The following SMAD2 variants were observed in gnomAD, a reference collection of about 807,000 sequenced individuals.
SMAD2 encodes the protein MAD homolog 2.
In SMAD2, 8 loss-of-function variants were observed where a neutral mutation model predicts 64.4. The ratio of observed to expected loss-of-function variants is 0.12; its 90% CI spans 0.07 to 0.22. The LOEUF is 0.22. SMAD2 is among the 10% of genes least tolerant of loss of function. The pLI, the probability that SMAD2 is intolerant of heterozygous loss-of-function variation, is 1.00. For synonymous variants in SMAD2, 203 were observed against 195.8 expected (o/e 1.04, Z -0.31); for missense variants, 289 against 561.2 (o/e 0.51, Z 4.90).
intron 2 of SMAD2, among the ~76,000 whole-genome samples, chr18:47,879,948 C>T (rs747140808): frequency 2.0e-4 from 30 of 152,320 alleles, no homozygotes; most frequent in South Asian, 6.2e-4. Context: ...CGATATTACA[C>T]ATTTTTCCAT....
At chr18:47,903,228 A>G (rs1298927566) in intron 1 of SMAD2, among the ~76,000 whole-genome samples, 2 of 152,166 alleles carry the variant, frequency 1.3e-5, no homozygotes, top group Non-Finnish European at 2.9e-5. Flanking sequence ...CCAGATACTC[A>G]GGACATTGAT....
chr18:47,916,580 T>C (rs2034345525), intron 1 of SMAD2, among the ~76,000 whole-genome samples: 1 of 152,024 alleles, frequency 6.6e-6, no homozygotes, highest in African/African-American at 2.4e-5. Flanking sequence ...AATTTTTGTA[T>C]TTTTGATAGA....
intron 8 of SMAD2, among the ~76,000 whole-genome samples, chr18:47,848,038 C>G (rs1446603045): frequency 1.3e-5 from 2 of 151,672 alleles, no homozygotes; most frequent in Admixed American, 1.3e-4. Context: ...TTCAGATGAA[C>G]AGCAAGCAGA....
intron 3 of SMAD2, 40 bp downstream of exon 3, chr18:47,870,435 C>T (rs1174863845): frequency 6.9e-7 from 1 of 1,458,240 alleles, no homozygotes; most frequent in African/African-American, 1.4e-5. Context: ...ACCCCCCTCC[C>T]ACAAGATCTC....
chr18:47,859,100 T>C (rs2030959001), intron 6 of SMAD2, among the ~76,000 whole-genome samples: 1 of 152,148 alleles, frequency 6.6e-6, no homozygotes. Context: ...GTGATGTTAA[T>C]ATGAAATGCA....
In SMAD2 at chr18:47,836,434, A is replaced by T. The variant is rs1046613586; in HGVS notation, c.*5393T>A. On this transcript the variant is annotated 3_prime_UTR_variant, in exon 11 of 11. Coordinates refer to ENST00000262160, the MANE Select transcript of SMAD2 (RefSeq NM_005901.6). ...CCAAGTTGCCAAAAAATGGTATATT[A>T]AATGAACTGCCAAATGGCAGATTAA... The T allele has an allele frequency of 4.5e-6, 1 of 220,934 alleles. No homozygotes were observed. Among genetic ancestry groups the T allele is most frequent in the Non-Finnish European group, 9.1e-6 (1 of 110,410 alleles). The allele number at this position is 220,934 out of a possible 1,614,324, so 13.7% of individuals were successfully genotyped here.
intron 1 of SMAD2, chr18:47,912,369 C>A (rs2034171221): frequency 1.3e-5 from 2 of 152,218 alleles, no homozygotes; most frequent in Non-Finnish European, 2.9e-5. Flanking sequence ...ATGTGACCGA[C>A]TACCTAATGT....
intron 8 of SMAD2, among the ~76,000 whole-genome samples, chr18:47,847,393 C>T (rs1472014501): frequency 6.6e-6 from 1 of 151,888 alleles, no homozygotes; most frequent in Non-Finnish European, 1.5e-5. Context: ...CAGAAGCAAA[C>T]TACTGTTAAA....
At chr18:47,891,071 G>A (rs1244215653) in intron 2 of SMAD2, among the ~76,000 whole-genome samples, 1 of 152,168 alleles carries the variant, frequency 6.6e-6, no homozygotes, top group Non-Finnish European at 1.5e-5. Flanking sequence ...TTGGGAGGCC[G>A]AGGCGGGCGG....
chr18:47,874,603 C>G (rs1455884295), intron 2 of SMAD2, among the ~76,000 whole-genome samples: 13 of 151,972 alleles, frequency 8.6e-5, no homozygotes, highest in Admixed American at 7.9e-4. Flanking sequence ...AAAGTCCCAA[C>G]AAAAAATTCA....
chr18:47,856,465 C>T (rs948269211), intron 6 of SMAD2, among the ~76,000 whole-genome samples: 1 of 152,116 alleles, frequency 6.6e-6, no homozygotes, highest in African/African-American at 2.4e-5. Flanking sequence ...AAAATGTATG[C>T]TTTAAAAAGT....
chr18:47,879,434 T>C (rs539026422), intron 2 of SMAD2, among the ~76,000 whole-genome samples: 3 of 152,146 alleles, frequency 2.0e-5, no homozygotes, highest in Admixed American at 6.6e-5. Context: ...ATGGTACATA[T>C]TCTTTTGGGT....
rs1418476851 is a variant in SMAD2 at position 47,813,236 on chromosome 18, A to C, written c.*28591T>G. ...AAAAATAACTAAATAACTAAATAAA[A>C]TAAACTGGGTCCTTATTTTTAGAAA... is the stretch of plus-strand genomic sequence containing the variant. On this transcript the variant is annotated 3_prime_UTR_variant, in exon 11 of 11. Coordinates refer to ENST00000262160, the MANE Select transcript of SMAD2 (RefSeq NM_005901.6). 6.6e-6 allele frequency: 1 copy of C among 152,020 alleles called. No individual in the cohort carries two copies. Among genetic ancestry groups the C allele is most frequent in the South Asian group, 2.1e-4 (1 of 4,820 alleles). 9.4% of individuals were successfully genotyped at this position (152,020 alleles called of 1,614,324 possible). A position where few individuals can be genotyped will look rare whatever the true frequency, so the allele number is the denominator to read the frequency against.
intron 6 of SMAD2, among the ~76,000 whole-genome samples, chr18:47,860,269 T>C (rs1254877288): frequency 1.3e-5 from 2 of 152,186 alleles, no homozygotes; most frequent in African/African-American, 4.8e-5. Flanking sequence ...ATGGTTTCTC[T>C]GGAAAAATCA....
At position 47,851,333 on chromosome 18, in the gene SMAD2, A is replaced by G; in HGVS notation, c.731-6T>C. On this transcript the variant is annotated splice_region_variant and splice_polypyrimidine_tract_variant and intron_variant, in intron 6 of 10. Coordinates refer to ENST00000262160, the MANE Select transcript of SMAD2 (RefSeq NM_005901.6). Reference sequence around the variant, plus strand: ...AGATAGTTCTGCTGGAGAGCCTAAAACAAAAGGATTTAAAAATAAATGAAG... The same window carrying G: ...AGATAGTTCTGCTGGAGAGCCTAAAGCAAAAGGATTTAAAAATAAATGAAG... 1.9e-6 allele frequency: 3 copies of G among 1,597,846 alleles called. No individual in the cohort carries two copies. Among genetic ancestry groups the G allele is most frequent in the Non-Finnish European group, 2.6e-6 (3 of 1,165,636 alleles).
At chr18:47,900,628 G>A (rs1416455485) in intron 1 of SMAD2, among the ~76,000 whole-genome samples, 1 of 151,696 alleles carries the variant, frequency 6.6e-6, no homozygotes, top group Non-Finnish European at 1.5e-5. Flanking sequence ...TTCTGCTCTT[G>A]TCTTCATTAT....
In SMAD2 at chr18:47,897,989, T is replaced by C. The variant is rs560244687; in HGVS notation, c.-53-1180A>G. On this transcript the variant is annotated intron_variant, in intron 1 of 10. Coordinates refer to ENST00000262160, the MANE Select transcript of SMAD2 (RefSeq NM_005901.6). ...CATCACACACCCCAAATACTGAAAT[T>C]GTAGTTTTCAAAGTGTATCTTTAAG... Among the ~76,000 whole-genome samples, 37 of 152,330 alleles carry C rather than the reference T, an allele frequency of 2.4e-4. No homozygotes were observed. The South Asian group carries it at 4.3e-3, about 18-fold the overall frequency.
At chr18:47,885,554 T>C (rs377461238) in intron 2 of SMAD2, among the ~76,000 whole-genome samples, 1 of 152,034 alleles carries the variant, frequency 6.6e-6, no homozygotes, top group East Asian at 1.9e-4. Context: ...GTTATTCTAA[T>C]CTTAAAATAA....
At chr18:47,881,854 G>A (rs1253521316) in intron 2 of SMAD2, among the ~76,000 whole-genome samples, 2 of 151,982 alleles carry the variant, frequency 1.3e-5, no homozygotes, top group Admixed American at 6.6e-5. Context: ...CTTGGTTAAT[G>A]CAGTAAATTA....
Sources: allele counts gnomAD v4.1 joint callset (sites outside exome capture counted in the v4.1 genomes callset), GRCh38; gene constraint gnomAD v4.1.1; transcripts MANE v1.5; gene names NCBI Gene and HGNC (gene_info 2026-07-23, HGNC 2026-07-21).